SLCO4A1: variants seen among roughly 807,000 people sequenced by gnomAD.
SLCO4A1 encodes colon organic anion transporter.
A neutral mutation model predicts 64.6 loss-of-function variants in SLCO4A1; 51 were observed. The ratio of observed to expected loss-of-function variants is 0.79; its 90% CI spans 0.63 to 1.00. The LOEUF (loss-of-function observed/expected upper bound fraction) is 1.00. Ranked by LOEUF, SLCO4A1 falls within the 50% of genes least tolerant of loss-of-function variation. The pLI, the probability that SLCO4A1 is intolerant of heterozygous loss-of-function variation, is 0.00. For missense variants in SLCO4A1, 919 were observed against 980.5 expected, an observed-to-expected ratio of 0.94 and a Z score of 0.84; for synonymous variants, 471 against 444.9, an observed-to-expected ratio of 1.06 and a Z score of -0.74.
Position 62,661,236 on chromosome 20 carries a change from G to C in SLCO4A1, c.1121+61G>C, listed in dbSNP as rs1984761508. The C allele has an allele frequency of 1.4e-5, 17 of 1,240,034 alleles. No homozygotes were observed. The highest frequency in any genetic ancestry group is 1.9e-5 in the Non-Finnish European group (16 of 842,590). The allele number at this position is 1,240,034 out of a possible 1,614,324, so 76.8% of individuals were successfully genotyped here. On this transcript the variant is annotated intron_variant, in intron 5 of 11. Transcript: ENST00000217159. The surrounding 1 kb of genome is among the most constrained non-coding windows in gnomAD (Gnocchi z 5.2). ...CAGACCCTTTAATGGTCCCCATCTTGGGGGAGTCGTTGAGACCCCTCCGGG... is the reference window on the plus strand; with the variant it reads ...CAGACCCTTTAATGGTCCCCATCTTCGGGGAGTCGTTGAGACCCCTCCGGG...
intron 11 of SLCO4A1, chr20:62,669,827 T>A (rs889887395): frequency 6.6e-6 from 1 of 152,084 alleles, no homozygotes; most frequent in African/African-American, 2.4e-5. Context: ...CTGGTTCACC[T>A]CCCCTCGGAT....
At chr20:62,648,673 G>T (rs1981867978) in intron 1 of SLCO4A1, among the ~76,000 whole-genome samples, 1 of 152,226 alleles carries the variant, frequency 6.6e-6, no homozygotes, top group Admixed American at 6.5e-5. Context: ...GGAGAGCTCA[G>T]CTGGTTCAGG....
rs189248090 is a variant in SLCO4A1, at chr20:62,661,539, C to T, written c.1121+364C>T. On this transcript the variant is annotated intron_variant, in intron 5 of 11. Coordinates refer to ENST00000217159, the MANE Select transcript of SLCO4A1 (RefSeq NM_016354.4). The surrounding 1 kb of genome is among the most constrained non-coding windows in gnomAD (Gnocchi z 5.2). ...AAGTCTCCCCGTGGCCTGTGTGTCC[C>T]GGGGTCCCCAGGGAAGCTGCATTTG... Among the ~76,000 whole-genome samples, 126 of 152,240 alleles carry T rather than the reference C, an allele frequency of 8.3e-4. No homozygotes were observed. Among genetic ancestry groups the T allele is most frequent in the Admixed American group, 1.2e-3 (19 of 15,306 alleles).
At chr20:62,649,958 A>G (rs1385908371) in intron 1 of SLCO4A1, 2 of 152,152 alleles carry the variant, frequency 1.3e-5, no homozygotes, top group Admixed American at 6.5e-5. Flanking sequence ...AGGTCCTTTG[A>G]ATTTGGTCTG....
chr20:62,681,612 G>T (rs920323744), intron 2 of SLCO4A1, among the ~76,000 whole-genome samples: 1 of 152,170 alleles, frequency 6.6e-6, no homozygotes, highest in Non-Finnish European at 1.5e-5. Flanking sequence ...CTTCTGTGCA[G>T]GTTCTTGTAT....
intron 1 of SLCO4A1, among the ~76,000 whole-genome samples, chr20:62,652,340 C>T (rs1194625512): frequency 6.6e-6 from 1 of 152,156 alleles, no homozygotes; most frequent in Non-Finnish European, 1.5e-5. Flanking sequence ...CACCCACAGG[C>T]TGCCTGGGGA....
chr20:62,681,438 G>C (rs549866886), intron 2 of SLCO4A1, among the ~76,000 whole-genome samples: 2 of 150,452 alleles, frequency 1.3e-5, no homozygotes, highest in Admixed American at 1.3e-4. Flanking sequence ...GTACACACTC[G>C]TGTGTGTGTA....
chr20:62,654,471 C>G (rs1444594682), intron 1 of SLCO4A1, among the ~76,000 whole-genome samples: 2 of 152,106 alleles, frequency 1.3e-5, no homozygotes, highest in African/African-American at 4.8e-5. Flanking sequence ...GGGTATCACC[C>G]AGCCCAGGTC....
At chr20:62,671,273 G>T (rs1333543199) in intron 11 of SLCO4A1, among the ~76,000 whole-genome samples, 1 of 152,212 alleles carries the variant, frequency 6.6e-6, no homozygotes, top group Non-Finnish European at 1.5e-5. Context: ...GCAGGTGGGG[G>T]CAGGGCGGGC....
rs765881846 is a variant in SLCO4A1 at position 62,669,060 on chromosome 20, C to G, written c.2007C>G (p.Ile669Met). The G allele has an allele frequency of 1.9e-6, 3 of 1,610,862 alleles. No individual in the cohort carries two copies. Among genetic ancestry groups the G allele is most frequent in the Non-Finnish European group, 1.7e-6 (2 of 1,179,968 alleles). Reference protein sequence around the residue: ...QNSAMSRYILIMGLLYKVLGV... With the variant: ...QNSAMSRYILMMGLLYKVLGV... ...CGGCCATGAGCCGCTACATACTCAT[C>G]ATGGGGCTCCTGTACAAGGTAAGCA... is the stretch of plus-strand genomic sequence containing the variant. Residue 669 changes from isoleucine to methionine, a missense_variant, in exon 11 of 12, where the codon ATC (isoleucine) becomes ATG (methionine). Coordinates refer to ENST00000217159, the MANE Select transcript of SLCO4A1 (RefSeq NM_016354.4).
Position 62,661,324 on chromosome 20 carries a change from A to G in SLCO4A1, c.1121+149A>G. ...CCCTGGGCCAAGAGATTAAGGAGCA[A>G]CAGATAGAGCCTCTGGGCCAGGGGC... On this transcript the variant is annotated intron_variant, in intron 5 of 11. Transcript: ENST00000217159. This position sits in a 1 kb window ranked among gnomAD's most constrained non-coding sequence, Gnocchi z 5.2. 1 of 634,832 alleles carries G rather than the reference A, an allele frequency of 1.6e-6. No individual in the cohort carries two copies. Among genetic ancestry groups the G allele is most frequent in the Non-Finnish European group, 2.8e-6 (1 of 355,246 alleles). 39.3% of individuals were successfully genotyped at this position (634,832 alleles called of 1,614,324 possible).
At chr20:62,659,657 C>T (rs1017944629) in intron 3 of SLCO4A1, among the ~76,000 whole-genome samples, 3 of 152,226 alleles carry the variant, frequency 2.0e-5, no homozygotes, top group African/African-American at 7.2e-5. Context: ...GGTCTGGCCC[C>T]CGGAGGCGGC....
At position 62,653,607 on chromosome 20, in the gene SLCO4A1, C is replaced by T. The variant is rs142995789; in HGVS notation, c.-96-2752C>T. Among the ~76,000 whole-genome samples the T allele has an allele frequency of 5.2e-3, 795 of 152,344 alleles. 5 individuals carry two copies. The highest frequency in any genetic ancestry group is 0.018 in the African/African-American group (755 of 41,582). Reference sequence around the variant, plus strand: ...GCTGCGCCTCCGCTCCCACCCGCCACGCTGACCTTAGAGTTAGTGTGTCTG... The same window carrying T: ...GCTGCGCCTCCGCTCCCACCCGCCATGCTGACCTTAGAGTTAGTGTGTCTG... On this transcript the variant is annotated intron_variant, in intron 1 of 11. Transcript: ENST00000217159.
Position 62,672,105 on chromosome 20 carries a change from C to A in SLCO4A1, c.*212C>A. 6.9e-7 allele frequency: 1 copy of A among 1,439,524 alleles called. No individual in the cohort carries two copies. The highest frequency in any genetic ancestry group is 9.1e-7 in the Non-Finnish European group (1 of 1,096,062). The allele number at this position is 1,439,524 out of a possible 1,614,324, so 89.2% of individuals were successfully genotyped here. A position where few individuals can be genotyped will look rare whatever the true frequency, so the allele number is the denominator to read the frequency against. Reference sequence around the variant, plus strand: ...ACTTGCATAAATATATATTTATGGACACACAGTTTGCATCAGAACGTGTTT... The same window carrying A: ...ACTTGCATAAATATATATTTATGGAAACACAGTTTGCATCAGAACGTGTTT... On this transcript the variant is annotated 3_prime_UTR_variant, in exon 12 of 12. Coordinates refer to ENST00000217159, the MANE Select transcript of SLCO4A1 (RefSeq NM_016354.4).
At chr20:62,659,000 G>T (rs1379383918) in intron 3 of SLCO4A1, among the ~76,000 whole-genome samples, 1 of 152,362 alleles carries the variant, frequency 6.6e-6, no homozygotes, top group South Asian at 2.1e-4. Context: ...CAGTGCCCGA[G>T]GCCTAAGCGC....
downstream of SLCO4A1, among the ~76,000 whole-genome samples, chr20:62,686,290 T>TC (rs1569158854): frequency 6.6e-6 from 1 of 152,122 alleles, no homozygotes; most frequent in South Asian, 2.1e-4. Flanking sequence ...CGAGCCTTCC[T>TC]CCCCCCAGCT....
rs1481660432 is a variant in SLCO4A1 at position 62,642,542 on chromosome 20, GAGAC to G, written c.-107_-104del. 1.5e-5 allele frequency: 3 copies of G among 203,758 alleles called. No individual in the cohort carries two copies. Among genetic ancestry groups the G allele is most frequent in the Non-Finnish European group, 3.0e-5 (3 of 99,224 alleles). The allele number at this position is 203,758 out of a possible 1,614,324, so 12.6% of individuals were successfully genotyped here. On this transcript the variant is annotated 5_prime_UTR_variant, in exon 1 of 12. Transcript: ENST00000217159. ...TGCGCGGCGCGGCGGCCGGGCCCTC[GAGAC>G]GGGGACGGTGAGTGCGCGGGGAGCG... is the stretch of plus-strand genomic sequence containing the variant.
intron 1 of SLCO4A1, among the ~76,000 whole-genome samples, chr20:62,651,060 C>G (rs1982397030): frequency 6.6e-6 from 1 of 152,192 alleles, no homozygotes; most frequent in Non-Finnish European, 1.5e-5. Context: ...CTCCTCATCG[C>G]CCTGAGAGTC....
chr20:62,654,909 T>G (rs1983358884), intron 1 of SLCO4A1, among the ~76,000 whole-genome samples: 1 of 152,172 alleles, frequency 6.6e-6, no homozygotes, highest in African/African-American at 2.4e-5. Flanking sequence ...TCGGAGGCTG[T>G]GAGGGAAGGA....
Sources: allele counts gnomAD v4.1 joint callset (sites outside exome capture counted in the v4.1 genomes callset), GRCh38; gene constraint gnomAD v4.1.1; non-coding constraint Gnocchi (gnomAD v3.1); transcripts MANE v1.5; gene names NCBI Gene and HGNC (gene_info 2026-07-23, HGNC 2026-07-21).